MALRD1: variants seen among roughly 807,000 people sequenced by gnomAD.
MALRD1 encodes the protein MAM and LDL receptor class A domain containing 1.
Under a neutral mutation model 242.1 loss-of-function variants are expected in MALRD1, and 247 were observed. The observed-to-expected ratio is 1.02, with a 90% confidence interval of 0.92 to 1.13. The LOEUF (loss-of-function observed/expected upper bound fraction) is 1.13, where lower values mean the gene tolerates loss of function less well. Ranked by LOEUF, MALRD1 falls within the 50% of genes most tolerant of loss-of-function variation. The probability of loss-of-function intolerance (pLI) is 0.00; values close to 1 mark genes in which losing one functional copy is unlikely to be tolerated. For missense variants in MALRD1, 2,989 were observed against 2,533.1 expected (o/e 1.18, Z -3.86); for synonymous variants, 995 against 866.6 (o/e 1.15, Z -2.60).
chr10:19,255,884 G>A (rs1245914330), intron 18 of MALRD1, among the ~76,000 whole-genome samples: 4 of 151,956 alleles, frequency 2.6e-5, no homozygotes, highest in Admixed American at 1.3e-4. Context: ...ACCTGTTATG[G>A]CCCTCTCTGG....
At chr10:19,562,975 G>A (rs893283134) in intron 32 of MALRD1, among the ~76,000 whole-genome samples, 1 of 152,134 alleles carries the variant, frequency 6.6e-6, no homozygotes, top group Non-Finnish European at 1.5e-5. Flanking sequence ...AAAAAGACTG[G>A]GGATCACTGC....
At chr10:19,654,919 AGAT>A (rs1484969257) in intron 36 of MALRD1, among the ~76,000 whole-genome samples, 1 of 152,202 alleles carries the variant, frequency 6.6e-6, no homozygotes, top group Non-Finnish European at 1.5e-5. Flanking sequence ...AATCTTATGA[AGAT>A]GAGCTATTTG....
intron 26 of MALRD1, among the ~76,000 whole-genome samples, chr10:19,372,020 A>G (rs1482380820): frequency 6.6e-6 from 1 of 152,206 alleles, no homozygotes; most frequent in Non-Finnish European, 1.5e-5. Context: ...TCCAGAACAC[A>G]TACAAGTGAA....
At chr10:19,518,244 A>G (rs530301494) in intron 31 of MALRD1, among the ~76,000 whole-genome samples, 2 of 152,212 alleles carry the variant, frequency 1.3e-5, no homozygotes, top group Non-Finnish European at 2.9e-5. Context: ...CAGAAACTCA[A>G]AGAGACAACC....
intron 26 of MALRD1, among the ~76,000 whole-genome samples, chr10:19,357,074 C>T (rs1335681115): frequency 6.6e-6 from 1 of 150,568 alleles, no homozygotes; most frequent in Non-Finnish European, 1.5e-5. Context: ...CTTGCCACTG[C>T]ACTCCAGCCT....
At chr10:19,576,196 TCTACCCCTCTGACATCA>T (rs1836815841) in intron 33 of MALRD1, among the ~76,000 whole-genome samples, 1 of 152,320 alleles carries the variant, frequency 6.6e-6, no homozygotes, top group South Asian at 2.1e-4. Flanking sequence ...AGCTGAGCTA[TCTACCCCTCTGACATCA>T]CTATGAATAA....
At chr10:19,481,836 A>T (rs116019506) in intron 29 of MALRD1, among the ~76,000 whole-genome samples, 320 of 152,264 alleles carry the variant, frequency 2.1e-3, no homozygotes, top group African/African-American at 6.8e-3. Flanking sequence ...ACACGCCAGT[A>T]CAAGCTGGGG....
At chr10:19,411,802 G>A (rs1833285921) in intron 28 of MALRD1, among the ~76,000 whole-genome samples, 1 of 152,128 alleles carries the variant, frequency 6.6e-6, no homozygotes, top group Non-Finnish European at 1.5e-5. Flanking sequence ...TTTGGAGCTT[G>A]GTAAGAGAAA....
intron 5 of MALRD1, among the ~76,000 whole-genome samples, chr10:19,104,301 C>G (rs1332923528): frequency 6.6e-6 from 1 of 152,086 alleles, no homozygotes; most frequent in Non-Finnish European, 1.5e-5. Flanking sequence ...ATAATTTAGT[C>G]TCAAACTTGA....
At chr10:19,436,445 C>A (rs1589069544) in intron 28 of MALRD1, among the ~76,000 whole-genome samples, 1 of 152,106 alleles carries the variant, frequency 6.6e-6, no homozygotes, top group Admixed American at 6.6e-5. Context: ...CAGTGAGAAA[C>A]CTGGTTTCTA....
At chr10:19,353,361 T>C (rs564320576) in intron 26 of MALRD1, among the ~76,000 whole-genome samples, 4 of 152,280 alleles carry the variant, frequency 2.6e-5, no homozygotes, top group African/African-American at 7.2e-5. Flanking sequence ...TGCAGTTTCA[T>C]TGATATTTAA....
intron 21 of MALRD1, among the ~76,000 whole-genome samples, chr10:19,298,707 A>G (rs940692895): frequency 6.7e-6 from 1 of 148,672 alleles, no homozygotes; most frequent in East Asian, 2.0e-4. Flanking sequence ...TCAGCACCTT[A>G]AGATGCTCAG....
chr10:19,368,384 C>G (rs1388485241), intron 26 of MALRD1, among the ~76,000 whole-genome samples: 2 of 152,034 alleles, frequency 1.3e-5, no homozygotes, highest in Non-Finnish European at 2.9e-5. Context: ...TGTCCTTTCT[C>G]CAGTGTCTAT....
chr10:19,432,951 A>G (rs929979727), intron 28 of MALRD1, among the ~76,000 whole-genome samples: 2 of 152,214 alleles, frequency 1.3e-5, no homozygotes, highest in African/African-American at 2.4e-5. Context: ...CATTCCATGC[A>G]CACTCATTAT....
intron 32 of MALRD1, 51 bp from the exon 33 acceptor site, chr10:19,567,451 G>C: frequency 6.9e-7 from 1 of 1,450,702 alleles, no homozygotes; most frequent in South Asian, 1.2e-5. Context: ...TGGATGTCCT[G>C]ATACTTCTAA....
At chr10:19,080,828 G>T (rs1835465128) in intron 2 of MALRD1, among the ~76,000 whole-genome samples, 1 of 152,014 alleles carries the variant, frequency 6.6e-6, no homozygotes, top group African/African-American at 2.4e-5. Context: ...AGAGTGAACA[G>T]AAAACCTACA....
At chr10:19,075,189 G>T (rs1835279528) in intron 2 of MALRD1, among the ~76,000 whole-genome samples, 1 of 152,032 alleles carries the variant, frequency 6.6e-6, no homozygotes, top group African/African-American at 2.4e-5. Context: ...TGGAAAAAGA[G>T]AATCAAATTA....
At chr10:19,494,190 C>T (rs1381099797) in intron 30 of MALRD1, among the ~76,000 whole-genome samples, 2 of 152,206 alleles carry the variant, frequency 1.3e-5, no homozygotes, top group Non-Finnish European at 2.9e-5. Context: ...AGCATACCCT[C>T]CATCAAACCA....
intron 33 of MALRD1, among the ~76,000 whole-genome samples, chr10:19,590,688 G>A (rs73595851): frequency 0.047 from 7,201 of 152,024 alleles, 487 homozygotes; most frequent in African/African-American, 0.15. Context: ...AAATTAATAC[G>A]TGTATATATA....
Sources: allele counts gnomAD v4.1 joint callset (sites outside exome capture counted in the v4.1 genomes callset), GRCh38; gene constraint gnomAD v4.1.1; transcripts MANE v1.5; gene names NCBI Gene and HGNC (gene_info 2026-07-23, HGNC 2026-07-21).